The following MYOM2 variants were observed in gnomAD, a reference collection of about 807,000 sequenced individuals.
MYOM2 encodes the protein myomesin-2.
Under a neutral mutation model 187.6 loss-of-function variants are expected in MYOM2, and 254 were observed. The ratio of observed to expected loss-of-function variants is 1.35; its 90% CI spans 1.22 to 1.50. MYOM2 has a LOEUF of 1.50. Among genes scored for constraint, MYOM2 ranks in the 40% most tolerant of loss-of-function variants. MYOM2 has a pLI of 0.00. For synonymous variants in MYOM2, 981 were observed against 753.8 expected, an observed-to-expected ratio of 1.30 and a Z score of -4.94; for missense variants, 2,796 against 1,924.0, an observed-to-expected ratio of 1.45 and a Z score of -8.48.
At chr8:2,138,660 C>T (rs960376701) in intron 32 of MYOM2, among the ~76,000 whole-genome samples, 11 of 152,224 alleles carry the variant, frequency 7.2e-5, no homozygotes, top group Admixed American at 3.3e-4. Context: ...GCTCCCACAT[C>T]GGCAACAGGT....
At chr8:2,137,555 T>C (rs5029667) in intron 32 of MYOM2, among the ~76,000 whole-genome samples, 26,261 of 151,524 alleles carry the variant, frequency 0.17, 4,507 homozygotes, top group African/African-American at 0.43. Flanking sequence ...CCAAGTTGGC[T>C]GTGCCTGGTT....
chr8:2,067,035 A>G (rs1020852135), intron 6 of MYOM2, among the ~76,000 whole-genome samples: 1 of 152,174 alleles, frequency 6.6e-6, no homozygotes, highest in African/African-American at 2.4e-5. Flanking sequence ...GCAGTTAGGG[A>G]GGTCAGATGG....
intron 20 of MYOM2, among the ~76,000 whole-genome samples, chr8:2,101,296 T>C (rs1265617745): frequency 1.3e-5 from 2 of 152,138 alleles, no homozygotes; most frequent in African/African-American, 4.8e-5. Context: ...GAGGTTGCGG[T>C]GAGCTGAGAC....
chr8:2,104,497 C>G (rs1796826783), intron 21 of MYOM2, among the ~76,000 whole-genome samples: 2 of 151,862 alleles, frequency 1.3e-5, no homozygotes, highest in Non-Finnish European at 2.9e-5. Context: ...CCCAGCTACT[C>G]AGGAGGCGGA....
intron 2 of MYOM2, 34 bp from the exon 3 acceptor site, chr8:2,052,124 C>T (rs752991847): frequency 1.9e-6 from 3 of 1,611,288 alleles, no homozygotes; most frequent in Admixed American, 1.7e-5. Context: ...TGTGCCTGAG[C>T]ATGCATCTCC....
chr8:2,100,944 G>C lies in MYOM2; in HGVS notation c.2509G>C (p.Val837Leu), dbSNP rs376742717. Residue 837 changes from valine (V) to leucine (L), a missense_variant, in exon 20 of 37, where the codon GTG (valine) becomes CTG (leucine). Physicochemically the swap from Val to Leu is conservative, Grantham distance 32. Coordinates refer to ENST00000262113, the MANE Select transcript of MYOM2 (RefSeq NM_003970.4). ...CTTGGTCATGCTGTGGAAGGCCCCT[G>C]TGTACTCCGGCAGCAGCCCTGTTTC... The part of the protein sequence containing the change: ...TSLVMLWKAP[V>L]YSGSSPVSGY... 6.2e-7 allele frequency: 1 copy of C among 1,614,214 alleles called. No homozygotes were observed. Among genetic ancestry groups the C allele is most frequent in the Admixed American group, 1.7e-5 (1 of 60,028 alleles).
At chr8:2,130,855 G>A (rs1368376878) in intron 32 of MYOM2, among the ~76,000 whole-genome samples, 6 of 152,144 alleles carry the variant, frequency 3.9e-5, no homozygotes, top group African/African-American at 1.4e-4. Flanking sequence ...TTATTTTGTG[G>A]GACAATGAGT....
intron 14 of MYOM2, 100 bp from the exon 15 acceptor site, chr8:2,089,908 G>A (rs1796237375): frequency 5.3e-6 from 6 of 1,138,314 alleles, no homozygotes; most frequent in South Asian, 1.6e-5. Context: ...CGCGCCTGGT[G>A]GTCCTGGGAT....
At chr8:2,052,035 G>A in intron 2 of MYOM2, 123 bp from the exon 3 acceptor site, 3 of 1,199,144 alleles carry the variant, frequency 2.5e-6, no homozygotes, top group Non-Finnish European at 3.6e-6. Flanking sequence ...GCATGTGTGT[G>A]TTTGTGTGTG....
chr8:2,140,651 C>A, intron 32 of MYOM2, 72 bp from the exon 33 acceptor site: 1 of 1,473,848 alleles, frequency 6.8e-7, no homozygotes, highest in South Asian at 1.3e-5. Flanking sequence ...AGCAACGGGA[C>A]ATTGCCCTGT....
At chr8:2,048,814 G>C in intron 1 of MYOM2, among the ~76,000 whole-genome samples, 1 of 148,528 alleles carries the variant, frequency 6.7e-6, no homozygotes, top group South Asian at 2.1e-4. Context: ...TTTTGAGATG[G>C]AGTCTCGCTC....
rs1457796671 is a variant in MYOM2, at chr8:2,145,395, G to A, written c.*414G>A. On this transcript the variant is annotated 3_prime_UTR_variant, in exon 37 of 37. Coordinates refer to ENST00000262113, the MANE Select transcript of MYOM2 (RefSeq NM_003970.4). ...AAATCCTGGCTGTCGAGGCTTTGAA[G>A]CATGTGTTACCTGGTTAAGCTTGTT... The A allele has an allele frequency of 2.7e-5, 7 of 256,752 alleles. No homozygotes were observed. The highest frequency in any genetic ancestry group is 1.2e-3 in the Middle Eastern group (1 of 846). 15.9% of individuals were successfully genotyped at this position (256,752 alleles called of 1,614,324 possible).
intron 6 of MYOM2, among the ~76,000 whole-genome samples, chr8:2,067,726 C>T (rs1379754493): frequency 6.8e-6 from 1 of 146,870 alleles, no homozygotes; most frequent in Non-Finnish European, 1.5e-5. Flanking sequence ...GTTTTGTGAG[C>T]CTGGCTATTC....
At chr8:2,113,263 C>T (rs1797127656) in intron 25 of MYOM2, among the ~76,000 whole-genome samples, 1 of 152,234 alleles carries the variant, frequency 6.6e-6, no homozygotes, top group Non-Finnish European at 1.5e-5. Flanking sequence ...GAGTCACACA[C>T]TGGGATGTGG....
chr8:2,068,201 G>A (rs1819082897), intron 6 of MYOM2, among the ~76,000 whole-genome samples: 1 of 151,768 alleles, frequency 6.6e-6, no homozygotes, highest in South Asian at 2.1e-4. Flanking sequence ...AGCATCCTGG[G>A]GACAGCTCTT....
intron 32 of MYOM2, among the ~76,000 whole-genome samples, chr8:2,130,317 C>G (rs76241120): frequency 2.8e-3 from 270 of 97,974 alleles, no homozygotes; most frequent in African/African-American, 0.01. Flanking sequence ...GTTAACGCCC[C>G]TCACTACGCT....
intron 31 of MYOM2, among the ~76,000 whole-genome samples, chr8:2,126,426 T>C (rs1306165355): frequency 3.5e-5 from 5 of 143,786 alleles, no homozygotes; most frequent in Non-Finnish European, 6.1e-5. Context: ...CACTCAGACA[T>C]ACACACACAC....
intron 25 of MYOM2, among the ~76,000 whole-genome samples, chr8:2,110,005 C>G (rs1016137217): frequency 5.3e-5 from 8 of 152,310 alleles, no homozygotes; most frequent in African/African-American, 1.9e-4. Flanking sequence ...GTGTGGCAGA[C>G]TGATGTGACA....
Position 2,085,468 on chromosome 8 carries a change from G to GCTGTCGTGATCTCCGCGTGGCCCCTCA in MYOM2, c.1644+83_1644+109dup, listed in dbSNP as rs1819794960. Reference sequence around the variant, plus strand: ...TGTCATGATCTCTGCGTGGCCCACCGCTGTCGTGATCTCCGCGTGGCCCCT... The same window carrying GCTGTCGTGATCTCCGCGTGGCCCCTCA: ...TGTCATGATCTCTGCGTGGCCCACCGCTGTCGTGATCTCCGCGTGGCCCCTCACTGTCGTGATCTCCGCGTGGCCCCT... On this transcript the variant is annotated intron_variant, in intron 14 of 36. Coordinates refer to ENST00000262113, the MANE Select transcript of MYOM2 (RefSeq NM_003970.4). The GCTGTCGTGATCTCCGCGTGGCCCCTCA allele has an allele frequency of 2.9e-4, 413 of 1,416,534 alleles. 150 individuals carry two copies. Among genetic ancestry groups the GCTGTCGTGATCTCCGCGTGGCCCCTCA allele is most frequent in the African/African-American group, 1.1e-3 (63 of 56,138 alleles). The allele number at this position is 1,416,534 out of a possible 1,614,324, so 87.7% of individuals were successfully genotyped here. A position where few individuals can be genotyped will look rare whatever the true frequency, so the allele number is the denominator to read the frequency against.
Sources: gnomAD v4.1 joint callset for allele counts (sites outside exome capture counted in the v4.1 genomes callset) on GRCh38, gnomAD v4.1.1 for gene constraint, MANE v1.5 for transcripts, NCBI Gene and HGNC (gene_info 2026-07-23, HGNC 2026-07-21) for gene names.